Variants in EXT1 observed in about 807,000 individuals in gnomAD.
EXT1 encodes exostosin glycosyltransferase 1, also known as exostosin-1.
EXT1 carries 20 observed loss-of-function variants against 82.5 expected under a neutral mutation model. The observed-to-expected ratio is 0.24, with a 90% confidence interval of 0.17 to 0.35. The LOEUF is 0.35. Ranked by LOEUF, EXT1 falls within the 10% of genes least tolerant of loss-of-function variation. The pLI is 1.00. For missense variants in EXT1, 757 were observed against 936.5 expected (o/e 0.81, Z 2.50); for synonymous variants, 348 against 350.8 (o/e 0.99, Z 0.09).
chr8:118,041,171 G>A (rs1816519972), intron 1 of EXT1, among the ~76,000 whole-genome samples: 2 of 152,160 alleles, frequency 1.3e-5, no homozygotes, highest in Admixed American at 1.3e-4. Context: ...GAGTCCTCAA[G>A]TCTGAAAAAG....
At chr8:118,026,409 C>A (rs1586350360) in intron 1 of EXT1, among the ~76,000 whole-genome samples, 1 of 152,092 alleles carries the variant, frequency 6.6e-6, no homozygotes, top group Non-Finnish European at 1.5e-5. Flanking sequence ...CTTTCAATTT[C>A]TCTACTTCTT....
intron 1 of EXT1, among the ~76,000 whole-genome samples, chr8:117,847,124 T>C (rs985400290): frequency 1.3e-5 from 2 of 152,188 alleles, no homozygotes; most frequent in Non-Finnish European, 2.9e-5. Context: ...AAAAAAGAGT[T>C]GTTAAATGAA....
intron 1 of EXT1, among the ~76,000 whole-genome samples, chr8:117,894,513 C>T (rs17430540): frequency 0.24 from 36,761 of 152,100 alleles, 5,475 homozygotes; most frequent in East Asian, 0.36. Context: ...ACAATGAAAA[C>T]GACAGTCTTA....
chr8:117,943,896 C>T (rs1814335505), intron 1 of EXT1, among the ~76,000 whole-genome samples: 1 of 152,144 alleles, frequency 6.6e-6, no homozygotes, highest in Non-Finnish European at 1.5e-5. Context: ...ATGCCAGGGC[C>T]CCAGCAGGTA....
At chr8:118,052,878 G>A (rs1055929259) in intron 1 of EXT1, among the ~76,000 whole-genome samples, 3 of 152,192 alleles carry the variant, frequency 2.0e-5, no homozygotes, top group Non-Finnish European at 4.4e-5. Flanking sequence ...ATGGCTCCAG[G>A]ACACCTCCTT....
intron 1 of EXT1, among the ~76,000 whole-genome samples, chr8:117,935,199 C>G (rs1003102039): frequency 1.3e-5 from 2 of 152,100 alleles, no homozygotes; most frequent in African/African-American, 4.8e-5. Flanking sequence ...AACACAGCAG[C>G]TGTAGGGACA....
At chr8:118,006,871 A>C (rs1248528053) in intron 1 of EXT1, among the ~76,000 whole-genome samples, 1 of 152,232 alleles carries the variant, frequency 6.6e-6, no homozygotes, top group African/African-American at 2.4e-5. Flanking sequence ...CTAGCTCTGG[A>C]GGACCGTGGC....
chr8:117,915,070 A>C (rs766752100), intron 1 of EXT1, among the ~76,000 whole-genome samples: 3 of 152,304 alleles, frequency 2.0e-5, no homozygotes, highest in African/African-American at 7.2e-5. Context: ...CGGTCCTACC[A>C]ATATGTGATG....
intron 1 of EXT1, among the ~76,000 whole-genome samples, chr8:118,073,293 G>A (rs1286531008): frequency 1.3e-5 from 2 of 152,086 alleles, no homozygotes; most frequent in African/African-American, 2.4e-5. Flanking sequence ...CACCTCCATC[G>A]GTGAAGCATG....
intron 3 of EXT1, among the ~76,000 whole-genome samples, chr8:117,834,771 A>T (rs932979307): frequency 1.4e-4 from 21 of 152,196 alleles, no homozygotes; most frequent in African/African-American, 5.1e-4. Flanking sequence ...AAAGTTCTAG[A>T]ATTTTAGGAG....
At chr8:117,899,713 G>A (rs539020135) in intron 1 of EXT1, among the ~76,000 whole-genome samples, 1 of 152,346 alleles carries the variant, frequency 6.6e-6, no homozygotes, top group Admixed American at 6.5e-5. Context: ...TGTGTTTCAA[G>A]GAGTAGCAAG....
In EXT1 at chr8:118,086,625, G is replaced by A. The variant is rs1422175045; in HGVS notation, c.962+23460C>T. ...CTTATTTTAAGCTGTTCATTCTCTA[G>A]TAGATGACAACATGAAGGGAGAAAC... On this transcript the variant is annotated intron_variant, in intron 1 of 10. Transcript: ENST00000378204. Among the ~76,000 whole-genome samples the A allele has an allele frequency of 2.0e-5, 3 of 152,102 alleles. No homozygotes were observed. In the East Asian group the frequency reaches 5.8e-4, roughly 29 times the overall value.
At chr8:117,807,433 A>C in intron 8 of EXT1, 56 bp from the exon 9 acceptor site, 1 of 1,588,800 alleles carries the variant, frequency 6.3e-7, no homozygotes, top group African/African-American at 1.3e-5. Context: ...AATGTCAACA[A>C]AACATTACCT....
rs1813991337 is a variant in EXT1 at position 117,928,467 on chromosome 8, T to C, written c.963-91266A>G. Reference sequence around the variant, plus strand: ...AGGCACAGAATCTTAAACTTTTTAGTTACTAGTTTCCTTAACAAGCTTCAA... The same window carrying C: ...AGGCACAGAATCTTAAACTTTTTAGCTACTAGTTTCCTTAACAAGCTTCAA... On this transcript the variant is annotated intron_variant, in intron 1 of 10. Coordinates refer to ENST00000378204, the MANE Select transcript of EXT1 (RefSeq NM_000127.3). 3.3e-5 allele frequency among the ~76,000 whole-genome samples: 5 copies of C among 152,336 alleles called. No homozygotes were observed. In the Middle Eastern group the frequency reaches 0.014, roughly 415 times the overall value.
At chr8:117,851,310 T>C (rs1812447996) in intron 1 of EXT1, among the ~76,000 whole-genome samples, 1 of 151,602 alleles carries the variant, frequency 6.6e-6, no homozygotes. Context: ...AAAAGAAAGC[T>C]TGAAAATAGA....
intron 1 of EXT1, among the ~76,000 whole-genome samples, chr8:118,036,012 T>C (rs1470252241): frequency 6.6e-6 from 1 of 152,092 alleles, no homozygotes; most frequent in Non-Finnish European, 1.5e-5. Flanking sequence ...CAAAAACACT[T>C]AGGCAGTAAT....
intron 3 of EXT1, among the ~76,000 whole-genome samples, chr8:117,834,889 A>T (rs1179627262): frequency 2.7e-5 from 4 of 149,870 alleles, no homozygotes; most frequent in South Asian, 2.1e-4. Flanking sequence ...CTGCCCTCAG[A>T]TTTTTCTGAG....
chr8:117,940,002 C>T (rs1338678999), intron 1 of EXT1, among the ~76,000 whole-genome samples: 1 of 152,242 alleles, frequency 6.6e-6, no homozygotes, highest in African/African-American at 2.4e-5. Flanking sequence ...CATGGTGGCC[C>T]TTTTCCATCC....
At chr8:117,978,925 A>G (rs1815125265) in intron 1 of EXT1, among the ~76,000 whole-genome samples, 1 of 152,228 alleles carries the variant, frequency 6.6e-6, no homozygotes, top group Non-Finnish European at 1.5e-5. Context: ...TTAAACATGA[A>G]GAAACAGAAG....
Sources: allele counts gnomAD v4.1 joint callset (sites outside exome capture counted in the v4.1 genomes callset), GRCh38; gene constraint gnomAD v4.1.1; transcripts MANE v1.5; gene names NCBI Gene and HGNC (gene_info 2026-07-23, HGNC 2026-07-21).